Variants in RBM19 observed in about 807,000 individuals in gnomAD.
RBM19 encodes the protein probable RNA-binding protein 19.
A neutral mutation model predicts 116.8 loss-of-function variants in RBM19; 94 were observed. That is an observed-to-expected ratio of 0.80 (90% CI 0.68 to 0.95). The LOEUF is 0.95. RBM19 is among the 40% of genes least tolerant of loss of function. The pLI is 0.00. For missense variants in RBM19, 1,161 were observed against 1,220.7 expected (o/e 0.95, Z 0.73); for synonymous variants, 475 against 494.1 (o/e 0.96, Z 0.51).
chr12:113,871,863 GC>G (rs1469780926), intron 21 of RBM19, among the ~76,000 whole-genome samples: 2 of 152,162 alleles, frequency 1.3e-5, no homozygotes, highest in East Asian at 3.9e-4. Flanking sequence ...GAGCGGACGG[GC>G]CCCGCGGGGC....
At chr12:113,819,495 G>A (rs1033537834), downstream of RBM19, among the ~76,000 whole-genome samples, 3 of 152,180 alleles carry the variant, frequency 2.0e-5, no homozygotes, top group East Asian at 1.9e-4. Context: ...GTCCTGAGCC[G>A]GGTCAGGAGG....
chr12:113,965,318 A>T (rs549144822), intron 1 of RBM19, among the ~76,000 whole-genome samples: 3 of 130,120 alleles, frequency 2.3e-5, no homozygotes, highest in Non-Finnish European at 4.7e-5. Flanking sequence ...ACAAAAAACA[A>T]AACCAAAAAA....
At chr12:113,831,930 C>G (rs1875453583) in intron 23 of RBM19, among the ~76,000 whole-genome samples, 1 of 152,180 alleles carries the variant, frequency 6.6e-6, no homozygotes, top group South Asian at 2.1e-4. Flanking sequence ...AAGGATCTTG[C>G]TCTCTGATCA....
chr12:113,868,044 C>T (rs930003), intron 21 of RBM19, among the ~76,000 whole-genome samples: 16,639 of 152,222 alleles, frequency 0.11, 1,042 homozygotes, highest in Non-Finnish European at 0.15. Flanking sequence ...GGTAGTCACA[C>T]CCTTTATTTA....
chr12:113,965,301 GA>G (rs1226908681), intron 1 of RBM19, among the ~76,000 whole-genome samples: 1 of 132,432 alleles, frequency 7.6e-6, no homozygotes, highest in African/African-American at 2.9e-5. Flanking sequence ...AACAAAAAAA[GA>G]AAAAAACAAA....
At chr12:113,828,324 C>T (rs1490265862) in intron 23 of RBM19, among the ~76,000 whole-genome samples, 1 of 152,156 alleles carries the variant, frequency 6.6e-6, no homozygotes, top group Middle Eastern at 3.2e-3. Context: ...CCCTCCCTGC[C>T]TACAGGTAAC....
rs534990316 is a variant in RBM19 at position 113,822,244 on chromosome 12, G to A, written c.*980C>T. On this transcript the variant is annotated 3_prime_UTR_variant, in exon 24 of 24. Coordinates refer to ENST00000261741, the MANE Select transcript of RBM19 (RefSeq NM_016196.4). ...TAGATTCAGACTGCAGTGAGATGCA[G>A]TGCAGTTCTTGCTCTGCCCTCTCCG... 5 of 152,380 alleles carry A rather than the reference G, an allele frequency of 3.3e-5. No individual in the cohort carries two copies. In the East Asian group the frequency reaches 5.8e-4, roughly 18 times the overall value. The allele number at this position is 152,380 out of a possible 1,614,324, so 9.4% of individuals were successfully genotyped here.
Position 113,908,412 on chromosome 12 carries a change from C to A in RBM19, c.2558+6557G>T, listed in dbSNP as rs115068271. Among the ~76,000 whole-genome samples, 731 of 151,854 alleles carry A rather than the reference C, an allele frequency of 4.8e-3. 5 individuals carry two copies. The highest frequency in any genetic ancestry group is 0.017 in the African/African-American group (684 of 41,410). On this transcript the variant is annotated intron_variant, in intron 21 of 23. Coordinates refer to ENST00000261741, the MANE Select transcript of RBM19 (RefSeq NM_016196.4). ...CCACTGCAAGAGGAAATGAGAAGGC[C>A]AGGAGGCCAGGGATGGACAGACGTT...
At chr12:113,951,600 G>A (rs1375397948) in intron 8 of RBM19, among the ~76,000 whole-genome samples, 1 of 152,112 alleles carries the variant, frequency 6.6e-6, no homozygotes, top group Non-Finnish European at 1.5e-5. Context: ...AGGTCATAGG[G>A]CTCCTACCTG....
intron 21 of RBM19, among the ~76,000 whole-genome samples, chr12:113,911,256 T>C (rs1415345775): frequency 6.6e-6 from 1 of 152,118 alleles, no homozygotes; most frequent in African/African-American, 2.4e-5. Context: ...ACATTTCCTT[T>C]TGGGGGATAA....
chr12:113,827,851 T>G (rs1875011727), intron 23 of RBM19, among the ~76,000 whole-genome samples: 1 of 152,012 alleles, frequency 6.6e-6, no homozygotes, highest in South Asian at 2.1e-4. Context: ...TTCACCTCTC[T>G]GGGCTCCTCT....
chr12:113,918,456 GAA>G lies in RBM19; in HGVS notation c.2386-11_2386-10del. ...CCGTCCACGACGTGACCCTAAGAGA[GAA>G]GACAACATGGCTCATCTCTCTGTCC... On this transcript the variant is annotated splice_polypyrimidine_tract_variant and intron_variant, in intron 19 of 23. Transcript: ENST00000261741. 1 of 1,614,038 alleles carries G rather than the reference GAA, an allele frequency of 6.2e-7. No homozygotes were observed.
chr12:113,895,578 T>C (rs1231353899), intron 21 of RBM19, among the ~76,000 whole-genome samples: 1 of 152,084 alleles, frequency 6.6e-6, no homozygotes, highest in Non-Finnish European at 1.5e-5. Flanking sequence ...GACACAACAC[T>C]ATCACATCCG....
At chr12:113,959,450 G>A (rs1386836631) in intron 4 of RBM19, 46 bp from the exon 5 acceptor site, 1 of 1,574,310 alleles carries the variant, frequency 6.4e-7, no homozygotes, top group Non-Finnish European at 8.7e-7. Context: ...GAAAAAGAGA[G>A]AGGAAGAGGC....
At chr12:113,887,309 C>T (rs932480614) in intron 21 of RBM19, among the ~76,000 whole-genome samples, 22 of 152,082 alleles carry the variant, frequency 1.4e-4, no homozygotes, top group African/African-American at 4.8e-4. Context: ...CCATGGCTGC[C>T]TATCTGAATC....
chr12:113,952,329 C>T (rs548889790), intron 8 of RBM19, among the ~76,000 whole-genome samples, 183 bp downstream of exon 8: 1 of 152,318 alleles, frequency 6.6e-6, no homozygotes, highest in South Asian at 2.1e-4. Context: ...ATACACTAGG[C>T]CACCAAAGGC....
At chr12:113,920,946 C>T (rs1027652848) in intron 18 of RBM19, among the ~76,000 whole-genome samples, 2 of 152,176 alleles carry the variant, frequency 1.3e-5, no homozygotes, top group African/African-American at 4.8e-5. Context: ...TGATAATTAA[C>T]TTCATAATAG....
chr12:113,940,209 C>G lies in RBM19; in HGVS notation c.1738-49G>C, dbSNP rs1473025235. Reference sequence around the variant, plus strand: ...ATGGGACCACAGGAGGGAGGAGGGTCCCCAGCTGACACCAGCAGGGATCGT... The same window carrying G: ...ATGGGACCACAGGAGGGAGGAGGGTGCCCAGCTGACACCAGCAGGGATCGT... On this transcript the variant is annotated intron_variant, in intron 14 of 23. Coordinates refer to ENST00000261741, the MANE Select transcript of RBM19 (RefSeq NM_016196.4). 5 of 1,561,004 alleles carry G rather than the reference C, an allele frequency of 3.2e-6. No individual in the cohort carries two copies. The Admixed American group carries it at 8.5e-5, about 27-fold the overall frequency.
chr12:113,923,642 C>T (rs754138215), intron 18 of RBM19, among the ~76,000 whole-genome samples: 10 of 152,224 alleles, frequency 6.6e-5, no homozygotes, highest in African/African-American at 7.2e-5. Flanking sequence ...AACGAATTCC[C>T]CAGGCTTGGC....
Sources: gnomAD v4.1 joint callset for allele counts (sites outside exome capture counted in the v4.1 genomes callset) on GRCh38, gnomAD v4.1.1 for gene constraint, MANE v1.5 for transcripts, NCBI Gene and HGNC (gene_info 2026-07-23, HGNC 2026-07-21) for gene names.